TOX2: variants seen among roughly 807,000 people sequenced by gnomAD.
TOX2 encodes TOX high mobility group box family member 2, also known as granulosa cell HMG box 1.
In TOX2, 15 loss-of-function variants were observed where a neutral mutation model predicts 47.4. The observed-to-expected ratio is 0.32, with a 90% CI of 0.21 to 0.49. TOX2 has a LOEUF of 0.49. Ranked by LOEUF, TOX2 falls within the 20% of genes least tolerant of loss-of-function variation. TOX2 has a pLI of 0.99. For missense variants in TOX2, 622 were observed against 673.1 expected (o/e 0.92, Z 0.84); for synonymous variants, 290 against 296.6 (o/e 0.98, Z 0.23).
rs962168889 is a variant in TOX2 at position 44,053,613 on chromosome 20, T to TAC, written c.652-671_652-670dup. 3.3e-4 allele frequency among the ~76,000 whole-genome samples: 48 copies of TAC among 146,838 alleles called. No homozygotes were observed. In the East Asian group the frequency reaches 4.5e-3, roughly 14 times the overall value. On this transcript the variant is annotated intron_variant, in intron 4 of 8. Coordinates refer to ENST00000341197, the MANE Select transcript of TOX2 (RefSeq NM_001098797.2). ...ATATACACACACATATATATACATA[T>TAC]ACACACACACACACACGTATATACA... is the stretch of plus-strand genomic sequence containing the variant.
In TOX2 at chr20:43,968,090, G is replaced by A. The variant is rs114478674; in HGVS notation, c.100-5277G>A. Among the ~76,000 whole-genome samples, 338 of 152,094 alleles carry A rather than the reference G, an allele frequency of 2.2e-3. 2 individuals are homozygous for A. Among genetic ancestry groups the A allele is most frequent in the African/African-American group, 7.5e-3 (313 of 41,494 alleles). Reference sequence around the variant, plus strand: ...CCCTCACCCATCTATTCATTCACCCGTCCGTCATCTGCCGATCATCCGTCT... The same window carrying A: ...CCCTCACCCATCTATTCATTCACCCATCCGTCATCTGCCGATCATCCGTCT... On this transcript the variant is annotated intron_variant, in intron 1 of 8. Coordinates refer to ENST00000341197, the MANE Select transcript of TOX2 (RefSeq NM_001098797.2).
intron 2 of TOX2, 140 bp from the exon 3 acceptor site, chr20:44,006,407 T>G: frequency 7.3e-7 from 1 of 1,362,468 alleles, no homozygotes; most frequent in Non-Finnish European, 9.9e-7. Flanking sequence ...CTTGACCCTC[T>G]GCCTTGCAGA....
rs1472262612 is a variant in TOX2, at chr20:44,069,369, A to G, written c.*683A>G. ...ACCGGACGCTTGCTAGCCACCCCGG[A>G]GCACTGCTCTCCTTTTAATCATGTA... On this transcript the variant is annotated 3_prime_UTR_variant, in exon 9 of 9. Transcript: ENST00000341197. 1 of 164,918 alleles carries G rather than the reference A, an allele frequency of 6.1e-6. No individual in the cohort carries two copies. Among genetic ancestry groups the G allele is most frequent in the Non-Finnish European group, 1.3e-5 (1 of 75,230 alleles). The allele number at this position is 164,918 out of a possible 1,614,324, so 10.2% of individuals were successfully genotyped here. A position where few individuals can be genotyped will look rare whatever the true frequency, so the allele number is the denominator to read the frequency against.
intron 1 of TOX2, among the ~76,000 whole-genome samples, chr20:43,940,757 G>A (rs1174470652): frequency 6.6e-6 from 1 of 152,160 alleles, no homozygotes; most frequent in Non-Finnish European, 1.5e-5. Context: ...AGGCACATGG[G>A]ATTAAGCAAA....
chr20:43,976,003 G>A (rs183064012), intron 2 of TOX2, among the ~76,000 whole-genome samples: 1 of 152,334 alleles, frequency 6.6e-6, no homozygotes, highest in Non-Finnish European at 1.5e-5. Flanking sequence ...GACCCAGAGG[G>A]TCTCCCTAAC....
chr20:43,974,300 G>C (rs2070032210), intron 2 of TOX2, among the ~76,000 whole-genome samples: 1 of 150,926 alleles, frequency 6.6e-6, no homozygotes, highest in Admixed American at 6.6e-5. Context: ...GAAGGCTGGG[G>C]CCCCAGGGAG....
chr20:43,956,559 TAAAAAAAAAAAAA>T (rs11474983), intron 1 of TOX2, among the ~76,000 whole-genome samples: 1 of 120,474 alleles, frequency 8.3e-6, no homozygotes, highest in Non-Finnish European at 1.7e-5. Context: ...GTTCTATCTT[TAAAAAAAAAAAAA>T]AAAAAAAAAG....
At chr20:44,062,516 A>C (rs1020747049) in intron 5 of TOX2, among the ~76,000 whole-genome samples, 3 of 152,166 alleles carry the variant, frequency 2.0e-5, no homozygotes, top group Admixed American at 2.0e-4. Flanking sequence ...AAATGGAAAC[A>C]CATCCCATGC....
intron 3 of TOX2, among the ~76,000 whole-genome samples, chr20:44,014,902 A>T (rs2070850751): frequency 6.6e-6 from 1 of 151,994 alleles, no homozygotes; most frequent in African/African-American, 2.4e-5. Flanking sequence ...TATTAGTTAC[A>T]CTTAGGACCT....
intron 1 of TOX2, among the ~76,000 whole-genome samples, chr20:43,966,179 G>C (rs2069849652): frequency 6.6e-6 from 1 of 152,180 alleles, no homozygotes; most frequent in Admixed American, 6.5e-5. Flanking sequence ...GGAAAGGAAG[G>C]CAAAGTGAAG....
At chr20:43,944,023 C>T (rs1336772450) in intron 1 of TOX2, among the ~76,000 whole-genome samples, 1 of 152,220 alleles carries the variant, frequency 6.6e-6, no homozygotes, top group Non-Finnish European at 1.5e-5. Flanking sequence ...TGCATGCTTA[C>T]AGCTTTGTGT....
At chr20:43,986,966 A>AG (rs1186331372) in intron 2 of TOX2, among the ~76,000 whole-genome samples, 2 of 152,164 alleles carry the variant, frequency 1.3e-5, no homozygotes, top group Admixed American at 1.3e-4. Flanking sequence ...CGAGAGGCTA[A>AG]GGTGGGACGA....
chr20:43,943,479 G>A (rs1052229108), intron 1 of TOX2, among the ~76,000 whole-genome samples: 5 of 151,916 alleles, frequency 3.3e-5, no homozygotes, highest in Non-Finnish European at 1.5e-5. Flanking sequence ...TGAGGCCCTC[G>A]CCCAGGTGAC....
intron 2 of TOX2, among the ~76,000 whole-genome samples, chr20:43,990,711 G>C (rs1456428431): frequency 6.6e-6 from 1 of 152,072 alleles, no homozygotes; most frequent in Non-Finnish European, 1.5e-5. Flanking sequence ...TGTTCTGAAG[G>C]GTCTGAGCAG....
intron 2 of TOX2, among the ~76,000 whole-genome samples, chr20:43,980,129 T>A (rs2070146062): frequency 6.6e-6 from 1 of 152,256 alleles, no homozygotes; most frequent in Non-Finnish European, 1.5e-5. Context: ...AACCTAAGTG[T>A]CCATCAACAG....
At chr20:44,067,868 G>C (rs1338619729) in intron 8 of TOX2, among the ~76,000 whole-genome samples, 1 of 152,212 alleles carries the variant, frequency 6.6e-6, no homozygotes, top group East Asian at 1.9e-4. Context: ...GTGCCAAGCA[G>C]CTGTCCCAGC....
intron 1 of TOX2, among the ~76,000 whole-genome samples, chr20:43,932,532 T>C (rs2069265561): frequency 6.6e-6 from 1 of 152,198 alleles, no homozygotes; most frequent in South Asian, 2.1e-4. Context: ...ACCGCTTCCC[T>C]CCTCAGGCGA....
At position 44,051,404 on chromosome 20, in the gene TOX2, C is replaced by T. The variant is rs1314728636; in HGVS notation, c.510C>T (p.Ala170=). The T allele has an allele frequency of 3.1e-6, 5 of 1,614,002 alleles. No individual in the cohort carries two copies. The highest frequency in any genetic ancestry group is 4.2e-6 in the Non-Finnish European group (5 of 1,180,008). The change falls in exon 4 of 9, where the codon GCC becomes GCT. Residue 170 remains alanine, a synonymous_variant. Transcript: ENST00000341197. ...RPAMLASHMS[A]LSQSQLISQM... ...CAATGCTGGCCAGCCACATGAGTGC[C>T]CTCAGCCAGTCCCAGCTCATCTCGC...
chr20:43,935,661 C>T (rs2069316871), intron 1 of TOX2, among the ~76,000 whole-genome samples: 2 of 151,924 alleles, frequency 1.3e-5, no homozygotes, highest in Non-Finnish European at 2.9e-5. Flanking sequence ...TGGGGTGGCT[C>T]ATGCTTGTAA....
Sources: gnomAD v4.1 joint callset for allele counts (sites outside exome capture counted in the v4.1 genomes callset) on GRCh38, gnomAD v4.1.1 for gene constraint, MANE v1.5 for transcripts, NCBI Gene and HGNC (gene_info 2026-07-23, HGNC 2026-07-21) for gene names.